Variants in RFX7 observed in about 807,000 individuals in gnomAD.
The protein encoded by RFX7 is regulatory factor X7.
RFX7 carries 26 observed loss-of-function variants against 111.8 expected under a neutral mutation model. The observed-to-expected ratio is 0.23, with a 90% CI of 0.17 to 0.32. RFX7 has a LOEUF of 0.32. RFX7 is among the 10% of genes least tolerant of loss of function. The pLI is 1.00. For synonymous variants in RFX7, 624 were observed against 624.4 expected (o/e 1.00, Z 0.01); for missense variants, 1,573 against 1,772.9 (o/e 0.89, Z 2.02).
chr15:56,136,003 G>A (rs553476646), intron 5 of RFX7, among the ~76,000 whole-genome samples: 1 of 152,070 alleles, frequency 6.6e-6, no homozygotes, highest in African/African-American at 2.4e-5. Flanking sequence ...GTACCATGCT[G>A]TTTTGGTTAC....
chr15:56,101,518 C>T lies in RFX7; in HGVS notation c.652G>A (p.Val218Ile). 1 of 1,613,784 alleles carries T rather than the reference C, an allele frequency of 6.2e-7. No homozygotes were observed. The highest frequency in any genetic ancestry group is 8.5e-7 in the Non-Finnish European group (1 of 1,179,788). Residue 218 changes from valine to isoleucine, a missense_variant, in exon 8 of 10, where the codon GTT (valine) becomes ATT (isoleucine). Transcript: ENST00000559447. ...SGQLQNIDEE[V>I]ISSACRLVCE... ...ACAAGACGGCAAGCAGAAGAGATAA[C>T]TTCTTCATCAATATTTTGAAGCTGC...
At chr15:56,163,953 C>T (rs1204297019) in intron 3 of RFX7, among the ~76,000 whole-genome samples, 4 of 152,138 alleles carry the variant, frequency 2.6e-5, no homozygotes, top group Non-Finnish European at 5.9e-5. Context: ...AAGCCACAAA[C>T]TCAAACGCCA....
chr15:56,140,141 C>T (rs4351994), intron 5 of RFX7, among the ~76,000 whole-genome samples: 19,688 of 152,118 alleles, frequency 0.13, 1,629 homozygotes, highest in East Asian at 0.43. Context: ...TGGTGGGCTC[C>T]GCCCAGTTGG....
At chr15:56,159,586 A>G (rs957830417) in intron 3 of RFX7, among the ~76,000 whole-genome samples, 17 of 152,368 alleles carry the variant, frequency 1.1e-4, no homozygotes, top group Admixed American at 7.8e-4. Context: ...GAAATAATCA[A>G]TCTAAGCAGA....
chr15:56,231,217 T>C (rs1339543503), intron 2 of RFX7, among the ~76,000 whole-genome samples: 8 of 152,210 alleles, frequency 5.3e-5, no homozygotes, highest in African/African-American at 2.4e-5. Context: ...ATGTTGCTGC[T>C]GTAATAATCC....
In RFX7 at chr15:56,094,275, A is replaced by G; in HGVS notation, c.3453T>C (p.Asn1151=). The change falls in exon 10 of 10, where the codon AAT becomes AAC. Residue 1151 remains asparagine (N), a synonymous_variant. Coordinates refer to ENST00000559447, the MANE Select transcript of RFX7 (RefSeq NM_022841.7). ...TGCTGGCAGATGAATTAGTTCCTTTATTATCAAGAGGGGCAGGGACTGCAA... is the reference window on the plus strand; with the variant it reads ...TGCTGGCAGATGAATTAGTTCCTTTGTTATCAAGAGGGGCAGGGACTGCAA... The part of the protein sequence containing the change: ...EGFAVPAPLD[N]KGTNSSASSN... The G allele has an allele frequency of 6.2e-7, 1 of 1,613,936 alleles. No homozygotes were observed. Among genetic ancestry groups the G allele is most frequent in the South Asian group, 1.1e-5 (1 of 91,084 alleles).
intron 2 of RFX7, among the ~76,000 whole-genome samples, chr15:56,217,540 A>G (rs897756334): frequency 3.3e-5 from 5 of 151,902 alleles, no homozygotes; most frequent in Non-Finnish European, 5.9e-5. Context: ...GAATGCATGT[A>G]CTATTATAAA....
intron 2 of RFX7, among the ~76,000 whole-genome samples, chr15:56,186,784 TCCA>T (rs2043044388): frequency 6.6e-6 from 1 of 152,082 alleles, no homozygotes; most frequent in Non-Finnish European, 1.5e-5. Flanking sequence ...TCCCCCAAAT[TCCA>T]CCACTACAAC....
intron 2 of RFX7, among the ~76,000 whole-genome samples, chr15:56,227,550 G>C (rs1229179079): frequency 6.6e-6 from 1 of 151,984 alleles, no homozygotes; most frequent in African/African-American, 2.4e-5. Context: ...GGTTGCTCTA[G>C]AGTTTGCAAT....
chr15:56,203,024 C>G (rs1199289091), intron 2 of RFX7, among the ~76,000 whole-genome samples: 1 of 152,048 alleles, frequency 6.6e-6, no homozygotes, highest in Non-Finnish European at 1.5e-5. Context: ...TATCTGCCCT[C>G]CCCCCACCAA....
chr15:56,104,702 G>C (rs892289347), intron 5 of RFX7, among the ~76,000 whole-genome samples: 1 of 152,144 alleles, frequency 6.6e-6, no homozygotes, highest in Admixed American at 6.6e-5. Flanking sequence ...AGACCCCTGG[G>C]AGCCTTAATA....
chr15:56,102,041 A>ATTTTTTTT, intron 7 of RFX7, 128 bp downstream of exon 7: 1 of 645,972 alleles, frequency 1.5e-6, no homozygotes, highest in Non-Finnish European at 2.6e-6. Flanking sequence ...CCACTGTGTG[A>ATTTTTTTT]TTTTTTTTTT....
At chr15:56,208,750 C>T (rs551384523) in intron 2 of RFX7, among the ~76,000 whole-genome samples, 13 of 152,114 alleles carry the variant, frequency 8.5e-5, no homozygotes, top group African/African-American at 2.7e-4. Context: ...GAAACACTAC[C>T]AGAAATGTTT....
In RFX7 at chr15:56,113,349, G is replaced by A. The variant is rs573082291; in HGVS notation, c.402-9679C>T. Among the ~76,000 whole-genome samples the A allele has an allele frequency of 3.3e-5, 5 of 152,314 alleles. No homozygotes were observed. The South Asian group carries it at 1.0e-3, about 32-fold the overall frequency. The stretch of plus-strand genomic sequence containing the variant: ...AAGGAATGAGATCATGTCCTTTGCA[G>A]GGACATGGATCAAGCTGGAAGCCAT... On this transcript the variant is annotated intron_variant, in intron 5 of 9. Coordinates refer to ENST00000559447, the MANE Select transcript of RFX7 (RefSeq NM_022841.7).
chr15:56,243,220 G>A lies in RFX7; in HGVS notation c.66C>T (p.Ser22=), dbSNP rs750331279. ...QPDAHQQLPP[S]APNSGVALPA... The stretch of plus-strand genomic sequence containing the variant: ...GCAGGGCCACCCCCGAGTTGGGGGC[G>A]CTGGGGGGAAGCTGCTGATGGGCAT... Residue 22 remains serine, a synonymous_variant, in exon 2 of 10, where the codon AGC becomes AGT. Transcript: ENST00000559447. 3 of 1,331,990 alleles carry A rather than the reference G, an allele frequency of 2.3e-6. No homozygotes were observed. Among genetic ancestry groups the A allele is most frequent in the South Asian group, 1.2e-5 (1 of 83,220 alleles). 82.5% of individuals were successfully genotyped at this position (1,331,990 alleles called of 1,614,324 possible).
intron 2 of RFX7, among the ~76,000 whole-genome samples, chr15:56,188,580 A>C (rs2043066025): frequency 6.6e-6 from 1 of 152,218 alleles, no homozygotes; most frequent in South Asian, 2.1e-4. Flanking sequence ...TATGAATGAA[A>C]CCTGACTAAT....
chr15:56,213,318 C>T (rs2043331024), intron 2 of RFX7, among the ~76,000 whole-genome samples: 1 of 152,130 alleles, frequency 6.6e-6, no homozygotes, highest in Non-Finnish European at 1.5e-5. Flanking sequence ...AATGGTTAAA[C>T]TGTGATATAT....
intron 2 of RFX7, among the ~76,000 whole-genome samples, chr15:56,180,012 T>C (rs2042951461): frequency 6.6e-6 from 1 of 152,178 alleles, no homozygotes; most frequent in South Asian, 2.1e-4. Flanking sequence ...TTTAAACAAC[T>C]ATCCTTTGGA....
chr15:56,093,971 A>T lies in RFX7; in HGVS notation c.3757T>A (p.Leu1253Met). 5 of 1,613,992 alleles carry T rather than the reference A, an allele frequency of 3.1e-6. No homozygotes were observed. Among genetic ancestry groups the T allele is most frequent in the Non-Finnish European group, 4.2e-6 (5 of 1,179,874 alleles). Residue 1253 changes from leucine (L) to methionine (M), a missense_variant, in exon 10 of 10, where the codon TTG becomes ATG. Leu to Met is a conservative substitution (Grantham distance 15). This residue lies in a region of RFX7 where 411 missense variants were observed against 478.1 expected (regional missense o/e 0.86). Transcript: ENST00000559447. ...QANSKKITNV[L>M]LSKLDSDNDD... ...TTGTCGGAATCAAGTTTACTCAACAAAACATTGGTTATTTTTTTACTGTTT... is the reference window on the plus strand; with the variant it reads ...TTGTCGGAATCAAGTTTACTCAACATAACATTGGTTATTTTTTTACTGTTT...
Sources: allele counts gnomAD v4.1 joint callset (sites outside exome capture counted in the v4.1 genomes callset), GRCh38; gene constraint gnomAD v4.1.1; regional missense constraint gnomAD v4.1.1; transcripts MANE v1.5; gene names NCBI Gene and HGNC (gene_info 2026-07-23, HGNC 2026-07-21).